Variants in SLC41A3 observed in about 807,000 individuals in gnomAD.
SLC41A3 encodes solute carrier family 41 member 3.
SLC41A3 carries 44 observed loss-of-function variants against 45.4 expected under a neutral mutation model. That is an observed-to-expected ratio of 0.97 (90% CI 0.76 to 1.25). The LOEUF (loss-of-function observed/expected upper bound fraction) is 1.25. Among genes scored for constraint, SLC41A3 ranks in the 50% most tolerant of loss-of-function variants. The pLI, the probability that SLC41A3 is intolerant of heterozygous loss-of-function variation, is 0.00. For synonymous variants in SLC41A3, 256 were observed against 252.4 expected (o/e 1.01, Z -0.13); for missense variants, 550 against 600.6 (o/e 0.92, Z 0.88).
rs558567881 is a variant in SLC41A3 at position 126,051,277 on chromosome 3, C to T, written c.274-227G>A. On this transcript the variant is annotated intron_variant, in intron 2 of 10. Transcript: ENST00000360370. ...TCAGCGGCCGTAAGCACACTGGGGG[C>T]TGGGCCAGGCTGGAGGCCAGCGGGT... Among the ~76,000 whole-genome samples, 70 of 152,372 alleles carry T rather than the reference C, an allele frequency of 4.6e-4. No individual in the cohort carries two copies. The South Asian group carries it at 0.014, about 31-fold the overall frequency.
chr3:126,073,718 A>C (rs1576360210), intron 1 of SLC41A3, among the ~76,000 whole-genome samples: 1 of 152,348 alleles, frequency 6.6e-6, no homozygotes, highest in East Asian at 1.9e-4. Context: ...AGATTGAATT[A>C]GTAATCAAAA....
chr3:126,065,373 C>G (rs1242763018), intron 2 of SLC41A3, among the ~76,000 whole-genome samples: 1 of 152,194 alleles, frequency 6.6e-6, no homozygotes, highest in Admixed American at 6.5e-5. Context: ...GTTGCCAAAT[C>G]TTCTGAGTTT....
In SLC41A3 at chr3:126,008,865, G is replaced by A. The variant is rs1239832481; in HGVS notation, c.1121C>T (p.Ser374Leu). The A allele has an allele frequency of 6.2e-7, 1 of 1,614,082 alleles. No individual in the cohort carries two copies. The highest frequency in any genetic ancestry group is 8.5e-7 in the Non-Finnish European group (1 of 1,179,966). Reference protein sequence around the residue: ...TFCTSEINSMSARVLLLLVVP... With the variant: ...TFCTSEINSMLARVLLLLVVP... ...CACCAGCAAGAGCAGGACTCGAGCT[G>A]ACATGGAATTGATTTCTGAAAGAAA... Residue 374 changes from serine (S) to leucine (L), a missense_variant, in exon 10 of 11, where the codon TCA becomes TTA. Coordinates refer to ENST00000360370, the MANE Select transcript of SLC41A3 (RefSeq NM_017836.4).
intron 1 of SLC41A3, among the ~76,000 whole-genome samples, chr3:126,090,959 G>A (rs1351560208): frequency 1.3e-5 from 2 of 152,122 alleles, no homozygotes; most frequent in Non-Finnish European, 2.9e-5. Flanking sequence ...CCTCTGCATG[G>A]TACCCCAGCT....
At chr3:126,075,537 G>A (rs1432526130) in intron 1 of SLC41A3, among the ~76,000 whole-genome samples, 1 of 150,424 alleles carries the variant, frequency 6.6e-6, no homozygotes, top group Non-Finnish European at 1.5e-5. Context: ...AAATGCAAGG[G>A]AACAGAAAAT....
rs752939231 is a variant in SLC41A3, at chr3:126,068,215, T to A, written c.5A>T (p.Asp2Val). The A allele has an allele frequency of 1.1e-5, 17 of 1,533,342 alleles. No homozygotes were observed. In the South Asian group the frequency reaches 2.1e-4, roughly 19 times the overall value. The allele number at this position is 1,533,342 out of a possible 1,614,324, so 95.0% of individuals were successfully genotyped here. The change falls in exon 2 of 11, where the codon GAT becomes GTT. Residue 2 changes from aspartate to valine, a missense_variant. Coordinates refer to ENST00000360370, the MANE Select transcript of SLC41A3 (RefSeq NM_017836.4). M[D>V]GTETRQRRLD... ...CCTCCGCTGCCGGGTCTCTGTCCCA[T>A]CCATCTGGGCACAGCTGGGCGCCTG...
chr3:126,093,674 T>C (rs374131961), intron 1 of SLC41A3, among the ~76,000 whole-genome samples: 130 of 152,354 alleles, frequency 8.5e-4, no homozygotes, highest in Non-Finnish European at 1.4e-3. Context: ...AATTGTTATA[T>C]CTACTTCTGT....
upstream of SLC41A3, among the ~76,000 whole-genome samples, chr3:126,088,784 T>C (rs1945439386): frequency 6.6e-6 from 1 of 152,172 alleles, no homozygotes. Flanking sequence ...AAAAAATGTA[T>C]AGCGGATTGT....
intron 2 of SLC41A3, chr3:126,057,924 C>G (rs565455718): frequency 6.6e-6 from 1 of 152,244 alleles, no homozygotes; most frequent in African/African-American, 2.4e-5. Context: ...ACAGCTTAAC[C>G]GAGAGAACAA....
At chr3:126,100,230 C>T (rs1945682799) in intron 1 of SLC41A3, among the ~76,000 whole-genome samples, 1 of 152,150 alleles carries the variant, frequency 6.6e-6, no homozygotes, top group Non-Finnish European at 1.5e-5. Flanking sequence ...ACGTACCGGG[C>T]CCTCCTCTCT....
chr3:126,069,306 C>T (rs1174225022), intron 1 of SLC41A3, among the ~76,000 whole-genome samples: 1 of 151,980 alleles, frequency 6.6e-6, no homozygotes, highest in African/African-American at 2.4e-5. Context: ...AGTGTGCACA[C>T]AGAGCCACTG....
chr3:126,035,482 C>T (rs1478002191), intron 3 of SLC41A3, among the ~76,000 whole-genome samples: 5 of 152,156 alleles, frequency 3.3e-5, no homozygotes, highest in Non-Finnish European at 7.4e-5. Context: ...ACAATCCTGA[C>T]GCTTGTCAAA....
chr3:126,016,003 G>A (rs1216082754), intron 7 of SLC41A3, among the ~76,000 whole-genome samples: 1 of 152,204 alleles, frequency 6.6e-6, no homozygotes, highest in East Asian at 1.9e-4. Context: ...CTGTAGTTTA[G>A]CAAAAGCTTT....
chr3:126,055,290 G>A (rs1365429923), intron 2 of SLC41A3, among the ~76,000 whole-genome samples: 4 of 152,136 alleles, frequency 2.6e-5, no homozygotes. Context: ...TGAGGTGGGT[G>A]GATCACGAGG....
intron 4 of SLC41A3, among the ~76,000 whole-genome samples, chr3:126,029,723 C>A (rs1941655616): frequency 6.6e-6 from 1 of 151,990 alleles, no homozygotes; most frequent in Non-Finnish European, 1.5e-5. Context: ...AGTAACTGTG[C>A]AAGAATAGCT....
At chr3:126,063,032 G>C (rs1396369223) in intron 2 of SLC41A3, among the ~76,000 whole-genome samples, 1 of 152,168 alleles carries the variant, frequency 6.6e-6, no homozygotes, top group African/African-American at 2.4e-5. Flanking sequence ...CCTCCACCCT[G>C]CACTGTGCAC....
At chr3:126,015,023 A>G (rs1439338056) in intron 8 of SLC41A3, among the ~76,000 whole-genome samples, 1 of 152,136 alleles carries the variant, frequency 6.6e-6, no homozygotes, top group Admixed American at 6.5e-5. Flanking sequence ...GAGACCCGGT[A>G]TTTGTTACAG....
chr3:126,008,624 C>G (rs978491257), intron 10 of SLC41A3, 108 bp downstream of exon 10: 2 of 1,497,680 alleles, frequency 1.3e-6, no homozygotes, highest in Non-Finnish European at 1.8e-6. Flanking sequence ...GTGCCCCACA[C>G]GTCCAGCCAC....
At chr3:126,073,230 C>G (rs971935864) in intron 1 of SLC41A3, 3 of 152,236 alleles carry the variant, frequency 2.0e-5, no homozygotes, top group African/African-American at 7.2e-5. Flanking sequence ...TGCTTGAGCT[C>G]AGGAGTTGAA....
Sources: gnomAD v4.1 joint callset for allele counts (sites outside exome capture counted in the v4.1 genomes callset) on GRCh38, gnomAD v4.1.1 for gene constraint, MANE v1.5 for transcripts, NCBI Gene and HGNC (gene_info 2026-07-23, HGNC 2026-07-21) for gene names.